The following MGAT4C variants were observed in gnomAD, a reference collection of about 807,000 sequenced individuals.
The protein encoded by MGAT4C is alpha-1,3-mannosyl-glycoprotein 4-beta-N-acetylglucosaminyltransferase C.
Under a neutral mutation model 40.1 loss-of-function variants are expected in MGAT4C, and 19 were observed. The ratio of observed to expected loss-of-function variants is 0.47; its 90% CI spans 0.33 to 0.70. The LOEUF is 0.70. MGAT4C is among the 30% of genes least tolerant of loss of function. MGAT4C has a pLI of 0.02. For synonymous variants in MGAT4C, 181 were observed against 187.1 expected, an observed-to-expected ratio of 0.97 and a Z score of 0.27; for missense variants, 491 against 563.2, an observed-to-expected ratio of 0.87 and a Z score of 1.30.
chr12:86,628,636 C>T (rs369413917), intron 2 of MGAT4C, among the ~76,000 whole-genome samples: 1 of 152,118 alleles, frequency 6.6e-6, no homozygotes, highest in Admixed American at 6.5e-5. Context: ...ATTTCATATA[C>T]ACCCAAACTA....
At chr12:86,722,893 T>C (rs537666167) in intron 2 of MGAT4C, among the ~76,000 whole-genome samples, 46 of 152,298 alleles carry the variant, frequency 3.0e-4, no homozygotes, top group Middle Eastern at 3.4e-3. Context: ...AATTGTCTGA[T>C]ACATTTTAGT....
At chr12:86,042,313 A>C (rs570078958) in intron 2 of MGAT4C, among the ~76,000 whole-genome samples, 5 of 152,246 alleles carry the variant, frequency 3.3e-5, no homozygotes, top group Non-Finnish European at 7.4e-5. Context: ...GTTACATTCA[A>C]GGTTAATACT....
At chr12:86,515,600 C>T (rs1958670498) in intron 2 of MGAT4C, among the ~76,000 whole-genome samples, 1 of 151,956 alleles carries the variant, frequency 6.6e-6, no homozygotes, top group African/African-American at 2.4e-5. Flanking sequence ...AATAACTACG[C>T]AAAACCTGTA....
intron 2 of MGAT4C, among the ~76,000 whole-genome samples, chr12:86,598,749 C>A (rs150303864): frequency 1.3e-5 from 2 of 152,056 alleles, no homozygotes; most frequent in Admixed American, 6.6e-5. Context: ...GTATTATTCA[C>A]GATACTAAAA....
chr12:86,588,977 G>A (rs10776989), intron 2 of MGAT4C, among the ~76,000 whole-genome samples: 127,237 of 149,618 alleles, frequency 0.85, 54,636 homozygotes, highest in East Asian at 0.96. Context: ...ACACCCTAAC[G>A]TCACAATTAA....
chr12:86,515,280 A>T (rs1958662935), intron 2 of MGAT4C, among the ~76,000 whole-genome samples: 1 of 152,220 alleles, frequency 6.6e-6, no homozygotes, highest in Non-Finnish European at 1.5e-5. Context: ...TTGTACTAGA[A>T]ATTCTAGCCA....
At chr12:85,982,845 T>C (rs757716166) in intron 4 of MGAT4C, among the ~76,000 whole-genome samples, 5 of 152,128 alleles carry the variant, frequency 3.3e-5, no homozygotes, top group African/African-American at 4.8e-5. Context: ...ATAACTTGTG[T>C]CCTTATAAAA....
rs150635845 is a variant in MGAT4C, at chr12:86,622,590, T to C, written c.-229+104619A>G. ...ACAAAATTAGCCCATGACTAAAAGCTGTACCAGCACCATGTAACAAACCTT... is the reference window on the plus strand; with the variant it reads ...ACAAAATTAGCCCATGACTAAAAGCCGTACCAGCACCATGTAACAAACCTT... On this transcript the variant is annotated intron_variant, in intron 2 of 7. Transcript: ENST00000548651. Among the ~76,000 whole-genome samples, 29 of 152,234 alleles carry C rather than the reference T, an allele frequency of 1.9e-4. No individual in the cohort carries two copies. In the East Asian group the frequency reaches 5.2e-3, roughly 27 times the overall value.
At chr12:86,156,475 C>G (rs1884949400) in intron 1 of MGAT4C, among the ~76,000 whole-genome samples, 1 of 152,116 alleles carries the variant, frequency 6.6e-6, no homozygotes, top group Non-Finnish European at 1.5e-5. Flanking sequence ...GCATGCACCA[C>G]CACGCCTGGC....
intron 2 of MGAT4C, among the ~76,000 whole-genome samples, chr12:86,020,226 A>G (rs1889551793): frequency 6.6e-6 from 1 of 152,114 alleles, no homozygotes; most frequent in Non-Finnish European, 1.5e-5. Context: ...TTCCAACACT[A>G]TGTTGAATAG....
intron 2 of MGAT4C, among the ~76,000 whole-genome samples, chr12:86,572,632 T>G (rs1185971171): frequency 6.6e-6 from 1 of 152,144 alleles, no homozygotes. Flanking sequence ...GCATATGACC[T>G]TTGTATTTTT....
chr12:86,072,401 G>A (rs2137040095), intron 1 of MGAT4C, among the ~76,000 whole-genome samples: 1 of 151,078 alleles, frequency 6.6e-6, no homozygotes, highest in East Asian at 1.9e-4. Context: ...TCATCCACAT[G>A]AAAGAAGAGA....
intron 3 of MGAT4C, among the ~76,000 whole-genome samples, chr12:85,988,344 TC>T (rs1438289807): frequency 2.0e-5 from 3 of 152,092 alleles, no homozygotes; most frequent in Admixed American, 2.0e-4. Flanking sequence ...CCAACTAAAA[TC>T]ATATGGTTGA....
At chr12:86,003,391 T>C (rs1189519961) in intron 2 of MGAT4C, among the ~76,000 whole-genome samples, 1 of 152,162 alleles carries the variant, frequency 6.6e-6, no homozygotes, top group Non-Finnish European at 1.5e-5. Flanking sequence ...AAATTATCAG[T>C]TCGACCTTAG....
intron 4 of MGAT4C, among the ~76,000 whole-genome samples, chr12:86,286,497 T>C (rs1284430465): frequency 6.6e-6 from 1 of 152,190 alleles, no homozygotes; most frequent in South Asian, 2.1e-4. Flanking sequence ...TTTTAAAACA[T>C]GGCAGTAAAT....
chr12:86,800,140 G>T (rs1952199703), intron 1 of MGAT4C, among the ~76,000 whole-genome samples: 1 of 151,786 alleles, frequency 6.6e-6, no homozygotes, highest in African/African-American at 2.4e-5. Context: ...CTGACTTATG[G>T]CTTGGTTCAA....
chr12:86,537,005 T>C (rs2136379688), intron 2 of MGAT4C, among the ~76,000 whole-genome samples: 1 of 152,322 alleles, frequency 6.6e-6, no homozygotes, highest in African/African-American at 2.4e-5. Flanking sequence ...TAAGAAAATG[T>C]GGCACATATA....
intron 2 of MGAT4C, among the ~76,000 whole-genome samples, chr12:86,494,413 A>T (rs1393253687): frequency 6.6e-6 from 1 of 151,974 alleles, no homozygotes; most frequent in Non-Finnish European, 1.5e-5. Context: ...TTTATTTTTT[A>T]GCCCCATGTC....
intron 2 of MGAT4C, among the ~76,000 whole-genome samples, chr12:86,542,291 T>C (rs2136386719): frequency 6.6e-6 from 1 of 152,312 alleles, no homozygotes; most frequent in South Asian, 2.1e-4. Context: ...GCACACCTAT[T>C]TGCAAAAACA....
Sources: gnomAD v4.1 joint callset for allele counts (sites outside exome capture counted in the v4.1 genomes callset) on GRCh38, gnomAD v4.1.1 for gene constraint, MANE v1.5 for transcripts, NCBI Gene and HGNC (gene_info 2026-07-23, HGNC 2026-07-21) for gene names.